Variants in FDFT1 observed in about 807,000 individuals in gnomAD.
FDFT1 encodes the protein squalene synthase.
FDFT1 carries 68 observed loss-of-function variants against 46.8 expected under a neutral mutation model. The observed-to-expected ratio is 1.45, with a 90% CI of 1.19 to 1.78. The LOEUF (loss-of-function observed/expected upper bound fraction) is 1.78, where lower values mean the gene tolerates loss of function less well. Among genes scored for constraint, FDFT1 ranks in the 40% most tolerant of loss-of-function variants. The pLI is 0.00. For synonymous variants in FDFT1, 351 were observed against 185.1 expected (o/e 1.90, Z -7.28); for missense variants, 928 against 524.4 (o/e 1.77, Z -7.52).
chr8:11,798,284 T>A (rs1805767558), upstream of FDFT1: 1 of 152,204 alleles, frequency 6.6e-6, no homozygotes, highest in South Asian at 2.1e-4. Context: ...GGTCTCAAAG[T>A]CCTGACCTCA....
exon 1 of FDFT1, chr8:11,795,780 G>A (rs567781609): frequency 2.0e-5 from 3 of 152,482 alleles, no homozygotes; most frequent in South Asian, 4.1e-4. Context: ...CGACTTAAGA[G>A]CTGTAATACT....
upstream of FDFT1, among the ~76,000 whole-genome samples, chr8:11,798,614 C>T (rs2686192): frequency 0.99 from 151,595 of 152,380 alleles, 75,416 homozygotes; most frequent in Middle Eastern, 1. Flanking sequence ...AGGCTGTTAA[C>T]GCTATCCACA....
At chr8:11,832,082 A>AT (rs1810882651) in intron 7 of FDFT1, among the ~76,000 whole-genome samples, 1 of 152,168 alleles carries the variant, frequency 6.6e-6, no homozygotes, top group African/African-American at 2.4e-5. Context: ...TGGTACTTTC[A>AT]TTATGCCACA....
intron 1 of FDFT1, chr8:11,796,053 A>ATT (rs1805529821): frequency 6.6e-6 from 1 of 151,966 alleles, no homozygotes; most frequent in Non-Finnish European, 1.5e-5. Context: ...TTTTGTGATA[A>ATT]CTGACATTGT....
Position 11,838,451 on chromosome 8 carries a change from A to G in FDFT1, c.1096A>G (p.Ile366Val), listed in dbSNP as rs565608299. 3.7e-6 allele frequency: 6 copies of G among 1,608,944 alleles called. No individual in the cohort carries two copies. Among genetic ancestry groups the G allele is most frequent in the Non-Finnish European group, 5.1e-6 (6 of 1,177,094 alleles). ...CAAAACAAGGCAGATCATCTCCACCATCCGGACGCAGAATCTTCCCAACTG... is the reference window on the plus strand; with the variant it reads ...CAAAACAAGGCAGATCATCTCCACCGTCCGGACGCAGAATCTTCCCAACTG... The part of the protein sequence containing the change: ...SSKTRQIIST[I>V]RTQNLPNCQL... The change falls in exon 8 of 8, where the codon ATC (isoleucine) becomes GTC (valine). Residue 366 changes from isoleucine (I) to valine (V), a missense_variant. By Grantham distance (29) the Ile-to-Val change is conservative. Coordinates refer to ENST00000220584, the MANE Select transcript of FDFT1 (RefSeq NM_004462.5).
chr8:11,831,360 C>T (rs774424625), intron 6 of FDFT1, among the ~76,000 whole-genome samples, 158 bp from the exon 7 acceptor site: 3 of 152,196 alleles, frequency 2.0e-5, no homozygotes, highest in Non-Finnish European at 4.4e-5. Context: ...AAAATCTTGA[C>T]ATACTTTCTT....
At chr8:11,831,313 C>CTG (rs916112090) in intron 6 of FDFT1, among the ~76,000 whole-genome samples, 1 of 152,106 alleles carries the variant, frequency 6.6e-6, no homozygotes. Context: ...CTGCTTAATT[C>CTG]TGTGTGTTGT....
chr8:11,796,806 G>C (rs1455117325), intron 1 of FDFT1, among the ~76,000 whole-genome samples: 1 of 152,252 alleles, frequency 6.6e-6, no homozygotes, highest in Non-Finnish European at 1.5e-5. Context: ...AGCCCATGAG[G>C]GTTCCTGGCT....
At chr8:11,796,060 T>G (rs186874850) in intron 1 of FDFT1, 1 of 152,358 alleles carries the variant, frequency 6.6e-6, no homozygotes, top group East Asian at 1.9e-4. Flanking sequence ...ATAACTGACA[T>G]TGTGAAAAAC....
intron 3 of FDFT1, among the ~76,000 whole-genome samples, chr8:11,817,095 G>C (rs1808563840): frequency 1.3e-5 from 2 of 152,102 alleles, no homozygotes. Context: ...GTTGAATTTT[G>C]TCAAAGGCCT....
intron 3 of FDFT1, among the ~76,000 whole-genome samples, chr8:11,814,605 C>A (rs1195164327): frequency 6.6e-6 from 1 of 152,090 alleles, no homozygotes; most frequent in Non-Finnish European, 1.5e-5. Context: ...ATAAACAATT[C>A]TTTGAACTTA....
intron 1 of FDFT1, among the ~76,000 whole-genome samples, chr8:11,806,416 C>G (rs190882527): frequency 3.9e-4 from 60 of 152,194 alleles, no homozygotes; most frequent in African/African-American, 1.4e-3. Flanking sequence ...TTGAAGAAAC[C>G]TGTTTACAAG....
chr8:11,797,382 C>T (rs1353158545), upstream of FDFT1, among the ~76,000 whole-genome samples: 1 of 152,170 alleles, frequency 6.6e-6, no homozygotes, highest in African/African-American at 2.4e-5. Context: ...TAGGGGCTCT[C>T]TAACAAATAG....
At chr8:11,827,660 A>G (rs1406501760) in intron 5 of FDFT1, among the ~76,000 whole-genome samples, 2 of 152,226 alleles carry the variant, frequency 1.3e-5, no homozygotes, top group Non-Finnish European at 2.9e-5. Flanking sequence ...GGAGATAAGA[A>G]CAAGATAGTT....
chr8:11,820,351 C>T (rs1201016992), intron 3 of FDFT1, among the ~76,000 whole-genome samples: 1 of 152,178 alleles, frequency 6.6e-6, no homozygotes, highest in Non-Finnish European at 1.5e-5. Context: ...AGTTCAAATG[C>T]CGAGCTGGGA....
At chr8:11,808,704 C>CCCCATTCCCACT in intron 1 of FDFT1, 90 bp from the exon 2 acceptor site, 1 of 1,406,184 alleles carries the variant, frequency 7.1e-7, no homozygotes, top group Non-Finnish European at 9.3e-7. Flanking sequence ...GAGCCGCCTG[C>CCCCATTCCCACT]CCCAGTCCCA....
chr8:11,813,715 T>C (rs913781503), intron 3 of FDFT1, among the ~76,000 whole-genome samples: 14 of 152,242 alleles, frequency 9.2e-5, no homozygotes, highest in Non-Finnish European at 1.6e-4. Context: ...GAACTCGCTC[T>C]GGGACCTTCC....
intron 5 of FDFT1, 104 bp downstream of exon 5, chr8:11,826,319 C>G (rs550011564): frequency 3.7e-6 from 3 of 803,588 alleles, no homozygotes; most frequent in East Asian, 2.6e-5. Flanking sequence ...TCAGGCCTCC[C>G]CCAGGCAGCA....
At chr8:11,802,470 A>C (rs1414715515), upstream of FDFT1, 1 of 471,692 alleles carries the variant, frequency 2.1e-6, no homozygotes, top group Non-Finnish European at 4.2e-6. Context: ...GCGGAAGAAA[A>C]CAAAGGCCCG....
Sources: allele counts gnomAD v4.1 joint callset (sites outside exome capture counted in the v4.1 genomes callset), GRCh38; gene constraint gnomAD v4.1.1; transcripts MANE v1.5; gene names NCBI Gene and HGNC (gene_info 2026-07-23, HGNC 2026-07-21).